Variants in TENM2 observed in about 807,000 individuals in gnomAD.
TENM2 encodes the protein teneurin-2.
Under a neutral mutation model 245.2 loss-of-function variants are expected in TENM2, and 52 were observed. The observed-to-expected ratio is 0.21, with a 90% confidence interval of 0.17 to 0.27. The LOEUF (loss-of-function observed/expected upper bound fraction) is 0.27. Among genes scored for constraint, TENM2 ranks in the 10% least tolerant of loss-of-function variants. The probability of loss-of-function intolerance (pLI) is 1.00; values close to 1 mark genes in which losing one functional copy is unlikely to be tolerated. For missense variants in TENM2, 3,046 were observed against 3,666.8 expected, an observed-to-expected ratio of 0.83 and a Z score of 4.37; for synonymous variants, 1,363 against 1,438.9, an observed-to-expected ratio of 0.95 and a Z score of 1.19.
At chr5:167,810,402 T>C (rs1396907896) in intron 2 of TENM2, among the ~76,000 whole-genome samples, 1 of 152,082 alleles carries the variant, frequency 6.6e-6, no homozygotes, top group Non-Finnish European at 1.5e-5. Flanking sequence ...CTTTTATTTC[T>C]TTAAATCTTC....
chr5:168,061,757 A>G, intron 6 of TENM2, among the ~76,000 whole-genome samples: 1 of 152,166 alleles, frequency 6.6e-6, no homozygotes, highest in East Asian at 1.9e-4. Flanking sequence ...CACATTTGGG[A>G]TAGTTGGAAG....
At chr5:167,484,436 G>A (rs1041456456) in intron 2 of TENM2, among the ~76,000 whole-genome samples, 1 of 152,084 alleles carries the variant, frequency 6.6e-6, no homozygotes, top group Admixed American at 6.5e-5. Flanking sequence ...ACGAGATCTA[G>A]GGAGAAGATG....
intron 2 of TENM2, among the ~76,000 whole-genome samples, chr5:167,381,555 C>T (rs1461207808): frequency 6.6e-6 from 1 of 152,104 alleles, no homozygotes; most frequent in Non-Finnish European, 1.5e-5. Flanking sequence ...TGGCCGTTCT[C>T]AAAACATAAG....
chr5:167,331,262 AAAAG>A lies in TENM2; in HGVS notation c.227-43927_227-43924del, dbSNP rs1392452600. Among the ~76,000 whole-genome samples, 12 of 151,558 alleles carry A rather than the reference AAAAG, an allele frequency of 7.9e-5. No homozygotes were observed. The East Asian group carries it at 9.9e-4, about 12-fold the overall frequency. ...AAAAAAAAAAAAAAAAAGACAAGAA[AAAAG>A]AAAGAAAGGAAAAAAGAGAAGTATT... On this transcript the variant is annotated intron_variant, in intron 1 of 28. Coordinates refer to ENST00000518659, the Ensembl canonical transcript of TENM2.
the TENM2 span, among the ~76,000 whole-genome samples, chr5:167,240,249 G>T: frequency 6.6e-6 from 1 of 150,902 alleles, no homozygotes; most frequent in Admixed American, 6.6e-5. Context: ...AGTGACTTTG[G>T]TAGGTGGCCT....
At chr5:166,989,737 C>T in the TENM2 span, among the ~76,000 whole-genome samples, 1 of 150,884 alleles carries the variant, frequency 6.6e-6, no homozygotes, top group African/African-American at 2.4e-5. Flanking sequence ...GGAGAATAAC[C>T]CAAAGGGATC....
At chr5:168,227,838 G>A in intron 24 of TENM2, 57 bp from the exon 27 acceptor site, 1 of 1,168,542 alleles carries the variant, frequency 8.6e-7, no homozygotes, top group Non-Finnish European at 1.2e-6. Context: ...ATTCTCTTCT[G>A]ACTAATAGAG....
chr5:168,190,654 GC>G lies in TENM2; in HGVS notation c.2780+113del, dbSNP rs1453179295. ...CGGGGACCCAATTGGCCTGGAATCTGCCCCCCTAGAGGCAGCTCCCTCCAAG... is the reference window on the plus strand; with the variant it reads ...CGGGGACCCAATTGGCCTGGAATCTGCCCCCTAGAGGCAGCTCCCTCCAAG... On this transcript the variant is annotated intron_variant, in intron 14 of 28. Transcript: ENST00000518659. 9 of 982,836 alleles carry G rather than the reference GC, an allele frequency of 9.2e-6. No individual in the cohort carries two copies. The South Asian group carries it at 9.6e-5, about 10-fold the overall frequency. 60.9% of individuals were successfully genotyped at this position (982,836 alleles called of 1,614,324 possible). A position where few individuals can be genotyped will look rare whatever the true frequency, so the allele number is the denominator to read the frequency against.
chr5:167,287,958 C>T (rs1754389595), intron 1 of TENM2: 1 of 152,188 alleles, frequency 6.6e-6, no homozygotes, highest in South Asian at 2.1e-4. Flanking sequence ...GAGCAGTGGT[C>T]TGATCCCTGG....
At chr5:167,818,093 C>CT (rs1354953481) in intron 2 of TENM2, among the ~76,000 whole-genome samples, 2 of 152,176 alleles carry the variant, frequency 1.3e-5, no homozygotes, top group Non-Finnish European at 2.9e-5. Flanking sequence ...AATAGTGTTA[C>CT]TTTACAGTTA....
At chr5:167,600,891 G>A (rs1243503159) in intron 2 of TENM2, among the ~76,000 whole-genome samples, 4 of 152,136 alleles carry the variant, frequency 2.6e-5, no homozygotes, top group Admixed American at 6.5e-5. Flanking sequence ...ATAACTAAAC[G>A]GCATTTTGTC....
intron 4 of TENM2, among the ~76,000 whole-genome samples, chr5:167,960,793 C>G (rs964624831): frequency 6.6e-6 from 1 of 152,186 alleles, no homozygotes; most frequent in Admixed American, 6.5e-5. Flanking sequence ...AAACGGCCAC[C>G]CAGTTTTGTG....
chr5:167,290,802 C>A (rs1458972770), intron 1 of TENM2, among the ~76,000 whole-genome samples: 1 of 151,728 alleles, frequency 6.6e-6, no homozygotes, highest in Non-Finnish European at 1.5e-5. Context: ...AAAAACTGCT[C>A]TAAGGTAGTG....
chr5:167,521,449 G>A (rs1440772514), intron 2 of TENM2, among the ~76,000 whole-genome samples: 1 of 152,138 alleles, frequency 6.6e-6, no homozygotes, highest in Non-Finnish European at 1.5e-5. Flanking sequence ...AATTAGACAT[G>A]GTGAAAACCA....
the TENM2 span, among the ~76,000 whole-genome samples, chr5:167,266,591 G>C: frequency 6.6e-6 from 1 of 152,130 alleles, no homozygotes; most frequent in Non-Finnish European, 1.5e-5. Context: ...TCTAGGCTCT[G>C]CTACTTTTAT....
At chr5:167,805,219 T>C (rs758807117) in intron 2 of TENM2, among the ~76,000 whole-genome samples, 12 of 151,950 alleles carry the variant, frequency 7.9e-5, no homozygotes, top group Non-Finnish European at 1.3e-4. Flanking sequence ...AGATAAACAC[T>C]GCCTTCCATT....
chr5:167,241,993 G>T, the TENM2 span, among the ~76,000 whole-genome samples: 1 of 150,590 alleles, frequency 6.6e-6, no homozygotes, highest in South Asian at 2.1e-4. Context: ...TTTTTTGTCT[G>T]CTTTGCTTGT....
the TENM2 span, among the ~76,000 whole-genome samples, chr5:167,120,679 A>G: frequency 6.6e-6 from 1 of 152,190 alleles, no homozygotes; most frequent in Non-Finnish European, 1.5e-5. Flanking sequence ...AGGAACTTTC[A>G]ATGTGTTATC....
intron 12 of TENM2, among the ~76,000 whole-genome samples, chr5:168,134,277 A>G (rs1754847313): frequency 6.6e-6 from 1 of 152,222 alleles, no homozygotes; most frequent in African/African-American, 2.4e-5. Flanking sequence ...GGGGATACCA[A>G]ATAGCACCTA....
Sources: gnomAD v4.1 joint callset for allele counts (sites outside exome capture counted in the v4.1 genomes callset) on GRCh38, gnomAD v4.1.1 for gene constraint, MANE v1.5 for transcripts, NCBI Gene and HGNC (gene_info 2026-07-23, HGNC 2026-07-21) for gene names.